MLLT3: variants seen among roughly 807,000 people sequenced by gnomAD.
MLLT3 encodes protein AF-9.
In MLLT3, 4 loss-of-function variants were observed where a neutral mutation model predicts 53.2. That is an observed-to-expected ratio of 0.08 (90% CI 0.04 to 0.17). The LOEUF (loss-of-function observed/expected upper bound fraction) is 0.17. MLLT3 is among the 10% of genes least tolerant of loss of function. MLLT3 has a pLI of 1.00. For missense variants in MLLT3, 569 were observed against 684.0 expected (o/e 0.83, Z 1.87); for synonymous variants, 283 against 230.6 (o/e 1.23, Z -2.06).
At chr9:20,518,781 C>A (rs929826951) in intron 2 of MLLT3, among the ~76,000 whole-genome samples, 3 of 152,082 alleles carry the variant, frequency 2.0e-5, no homozygotes, top group Admixed American at 6.6e-5. Flanking sequence ...ATCAGACAAA[C>A]CCCAAATCAA....
intron 2 of MLLT3, among the ~76,000 whole-genome samples, chr9:20,532,318 A>AT (rs34982877): frequency 0.097 from 14,645 of 151,606 alleles, 912 homozygotes; most frequent in African/African-American, 0.18. Context: ...AGGAAAAAAA[A>AT]ATATATATAT....
Position 20,620,947 on chromosome 9 carries a change from C to T in MLLT3, c.13-113G>A, listed in dbSNP as rs751193459. 2 of 1,192,476 alleles carry T rather than the reference C, an allele frequency of 1.7e-6. No homozygotes were observed. The highest frequency in any genetic ancestry group is 2.4e-6 in the Non-Finnish European group (2 of 823,876). 73.9% of individuals were successfully genotyped at this position (1,192,476 alleles called of 1,614,324 possible). On this transcript the variant is annotated intron_variant, in intron 1 of 10. Transcript: ENST00000380338. The surrounding 1 kb of genome is among the most constrained non-coding windows in gnomAD (Gnocchi z 6.1). ...TTCTTGAAACGCACATAAAAGGAAA[C>T]GGCGGTGCCCTCTGCATCCACGTTT...
In MLLT3 at chr9:20,461,751, T is replaced by A. The variant is rs114410217; in HGVS notation, c.194-4965A>T. ...AGCTGGTAGATTCCTCTCCAGAGCA[T>A]CCCTTTACCCTATTTGTTTTGATGC... is the stretch of plus-strand genomic sequence containing the variant. On this transcript the variant is annotated intron_variant, in intron 2 of 10. Transcript: ENST00000380338. 2.5e-3 allele frequency among the ~76,000 whole-genome samples: 387 copies of A among 152,238 alleles called. 1 individual carries two copies. The highest frequency in any genetic ancestry group is 8.3e-3 in the African/African-American group (345 of 41,538).
At chr9:20,423,460 CT>C (rs1257626654) in intron 4 of MLLT3, among the ~76,000 whole-genome samples, 4 of 152,070 alleles carry the variant, frequency 2.6e-5, no homozygotes, top group Non-Finnish European at 5.9e-5. Context: ...ATGGGCCCCC[CT>C]GGCCCCCCAT....
At chr9:20,503,388 C>A (rs1416690311) in intron 2 of MLLT3, among the ~76,000 whole-genome samples, 1 of 152,138 alleles carries the variant, frequency 6.6e-6, no homozygotes, top group Non-Finnish European at 1.5e-5. Context: ...AGAAATAAAT[C>A]TACACATATA....
At chr9:20,450,118 C>T (rs572232076) in intron 3 of MLLT3, among the ~76,000 whole-genome samples, 2 of 152,346 alleles carry the variant, frequency 1.3e-5, no homozygotes, top group African/African-American at 4.8e-5. Flanking sequence ...TACAGCAATT[C>T]TAACTGCTTG....
chr9:20,360,464 A>G (rs564986793), intron 8 of MLLT3, among the ~76,000 whole-genome samples: 68 of 152,344 alleles, frequency 4.5e-4, no homozygotes, highest in African/African-American at 1.6e-3. Context: ...GTATATAGAA[A>G]TCAGGAGTAA....
intron 2 of MLLT3, among the ~76,000 whole-genome samples, chr9:20,551,222 C>T (rs575956683): frequency 1.3e-5 from 2 of 152,336 alleles, no homozygotes; most frequent in Non-Finnish European, 2.9e-5. Flanking sequence ...TATTTTTAGG[C>T]TCCCCAAGAA....
At chr9:20,387,431 A>G (rs1426659113) in intron 5 of MLLT3, among the ~76,000 whole-genome samples, 1 of 152,324 alleles carries the variant, frequency 6.6e-6, no homozygotes, top group Admixed American at 6.5e-5. Context: ...TTACTGGTCT[A>G]TTTTTGTTTG....
At chr9:20,567,524 G>A in intron 2 of MLLT3, among the ~76,000 whole-genome samples, 1 of 152,032 alleles carries the variant, frequency 6.6e-6, no homozygotes, top group East Asian at 1.9e-4. Flanking sequence ...CTTCAGATTT[G>A]AACATTGAAA....
chr9:20,594,556 A>G (rs560955210), intron 2 of MLLT3, among the ~76,000 whole-genome samples: 1 of 152,182 alleles, frequency 6.6e-6, no homozygotes, highest in Non-Finnish European at 1.5e-5. Context: ...AAGGCTGAGA[A>G]TTACTGGGCT....
chr9:20,472,732 CA>C (rs375013939), intron 2 of MLLT3, among the ~76,000 whole-genome samples: 18 of 152,092 alleles, frequency 1.2e-4, no homozygotes, highest in African/African-American at 3.9e-4. Context: ...AAATACCAAG[CA>C]AACCAAATTT....
chr9:20,560,113 G>C (rs1456306011), intron 2 of MLLT3, among the ~76,000 whole-genome samples: 1 of 152,092 alleles, frequency 6.6e-6, no homozygotes, highest in African/African-American at 2.4e-5. Context: ...TTGTGAAGTT[G>C]ACATAGAAAT....
At chr9:20,392,433 T>C (rs1822211085) in intron 5 of MLLT3, among the ~76,000 whole-genome samples, 1 of 152,220 alleles carries the variant, frequency 6.6e-6, no homozygotes, top group Non-Finnish European at 1.5e-5. Context: ...AAGTAGCTTA[T>C]ATAGAGCTGA....
intron 2 of MLLT3, among the ~76,000 whole-genome samples, chr9:20,501,782 A>AG (rs1825239892): frequency 6.7e-6 from 1 of 148,408 alleles, no homozygotes; most frequent in African/African-American, 2.5e-5. Flanking sequence ...AAAAAAAAAA[A>AG]AAAACCGCAC....
intron 2 of MLLT3, among the ~76,000 whole-genome samples, chr9:20,562,910 G>A (rs1172134669): frequency 6.6e-6 from 1 of 152,142 alleles, no homozygotes; most frequent in Non-Finnish European, 1.5e-5. Context: ...CTAGGTCCCA[G>A]AGCATTCTTT....
intron 2 of MLLT3, among the ~76,000 whole-genome samples, chr9:20,523,729 G>T (rs1015381412): frequency 2.6e-5 from 4 of 152,160 alleles, no homozygotes; most frequent in Non-Finnish European, 1.5e-5. Flanking sequence ...CAGCACTTTG[G>T]GAGGCTGATG....
At chr9:20,374,641 A>G (rs1821706762) in intron 5 of MLLT3, among the ~76,000 whole-genome samples, 2 of 152,248 alleles carry the variant, frequency 1.3e-5, no homozygotes, top group African/African-American at 4.8e-5. Context: ...ATTTGGTTTT[A>G]CATTAGTAAC....
chr9:20,352,775 AAGT>A (rs1563932922), intron 10 of MLLT3, among the ~76,000 whole-genome samples: 1 of 151,406 alleles, frequency 6.6e-6, no homozygotes, highest in African/African-American at 2.4e-5. Flanking sequence ...AGTCATTTGA[AAGT>A]AGTAAAAAAA....
Sources: gnomAD v4.1 joint callset for allele counts (sites outside exome capture counted in the v4.1 genomes callset) on GRCh38, gnomAD v4.1.1 for gene constraint, Gnocchi (gnomAD v3.1) non-coding constraint, MANE v1.5 for transcripts, NCBI Gene and HGNC (gene_info 2026-07-23, HGNC 2026-07-21) for gene names.